The following C14orf132 variants were observed in gnomAD, a reference collection of about 807,000 sequenced individuals.
The protein encoded by C14orf132 is chromosome 14 open reading frame 132.
Under a neutral mutation model 5.8 loss-of-function variants are expected in C14orf132, and 6 were observed. The observed-to-expected ratio is 1.03, with a 90% CI of 0.57 to 2.04. The LOEUF is 2.04. Ranked by LOEUF, C14orf132 falls within the 30% of genes most tolerant of loss-of-function variation. The pLI, the probability that C14orf132 is intolerant of heterozygous loss-of-function variation, is 0.00. For missense variants in C14orf132, 125 were observed against 115.8 expected, an observed-to-expected ratio of 1.08 and a Z score of -0.37; for synonymous variants, 51 against 49.8, an observed-to-expected ratio of 1.02 and a Z score of -0.10.
At chr14:96,075,387 CTA>C (rs1321111392) in intron 1 of C14orf132, among the ~76,000 whole-genome samples, 3 of 152,098 alleles carry the variant, frequency 2.0e-5, no homozygotes, top group African/African-American at 7.2e-5. Context: ...TAAGGCATCT[CTA>C]TATATATATG....
intron 1 of C14orf132, among the ~76,000 whole-genome samples, chr14:96,055,224 T>G (rs953475893): frequency 2.6e-5 from 4 of 151,994 alleles, no homozygotes; most frequent in Non-Finnish European, 5.9e-5. Context: ...CCCGGGTGGG[T>G]TCCGCGCATG....
In C14orf132 at chr14:96,040,401, C is replaced by T. The variant is rs553508900; in HGVS notation, c.27+874C>T. 4 of 398,034 alleles carry T rather than the reference C, an allele frequency of 1.0e-5. No individual in the cohort carries two copies. The Admixed American group carries it at 1.3e-4, about 13-fold the overall frequency. The allele number at this position is 398,034 out of a possible 1,614,324, so 24.7% of individuals were successfully genotyped here. On this transcript the variant is annotated intron_variant, in intron 1 of 1. Coordinates refer to ENST00000555004, the MANE Select transcript of C14orf132 (RefSeq NM_001252507.3). ...CAATCTACCAAAGCCACATCTTGCACCTTCTCTGGTTGTGTTGGTTGGTTA... is the reference window on the plus strand; with the variant it reads ...CAATCTACCAAAGCCACATCTTGCATCTTCTCTGGTTGTGTTGGTTGGTTA...
In C14orf132 at chr14:96,090,752, C is replaced by G. The variant is rs1888371879; in HGVS notation, c.*4017C>G. ...CGCTGGAAAGGCAGCAGATGCTTTT[C>G]CAGCCCCGGTTCAGCTGGAAGGCTT... On this transcript the variant is annotated 3_prime_UTR_variant, in exon 2 of 2. Coordinates refer to ENST00000555004, the MANE Select transcript of C14orf132 (RefSeq NM_001252507.3). 1 of 456,054 alleles carries G rather than the reference C, an allele frequency of 2.2e-6. No individual in the cohort carries two copies. The highest frequency in any genetic ancestry group is 4.4e-6 in the Non-Finnish European group (1 of 226,786). 28.3% of individuals were successfully genotyped at this position (456,054 alleles called of 1,614,324 possible). A position where few individuals can be genotyped will look rare whatever the true frequency, so the allele number is the denominator to read the frequency against.
intron 1 of C14orf132, among the ~76,000 whole-genome samples, chr14:96,045,266 C>T (rs985950147): frequency 6.6e-6 from 1 of 152,198 alleles, no homozygotes; most frequent in African/African-American, 2.4e-5. Context: ...AGAGATCAGG[C>T]AAGCCTTCAG....
At chr14:96,066,093 A>G (rs1887519906) in intron 1 of C14orf132, among the ~76,000 whole-genome samples, 1 of 152,166 alleles carries the variant, frequency 6.6e-6, no homozygotes, top group Admixed American at 6.5e-5. Context: ...CCTCAGGTAC[A>G]GCCAGGGAGG....
chr14:96,052,759 C>A lies in C14orf132; in HGVS notation c.27+13232C>A, dbSNP rs1238591671. On this transcript the variant is annotated intron_variant, in intron 1 of 1. Coordinates refer to ENST00000555004, the MANE Select transcript of C14orf132 (RefSeq NM_001252507.3). Reference sequence around the variant, plus strand: ...CCAGCGCCCCTCTCTTGTCCCCCTGCAAACTGTCTGCTGCATGCTGGGCCC... The same window carrying A: ...CCAGCGCCCCTCTCTTGTCCCCCTGAAAACTGTCTGCTGCATGCTGGGCCC... 2.6e-5 allele frequency among the ~76,000 whole-genome samples: 4 copies of A among 152,016 alleles called. No homozygotes were observed. The East Asian group carries it at 7.8e-4, about 29-fold the overall frequency.
At position 96,088,512 on chromosome 14, in the gene C14orf132, G is replaced by A. The variant is rs1034196002; in HGVS notation, c.*1777G>A. ...TGGGCTGGGGAGTTAGCCGCGGTGT[G>A]CGTGAATGGCTCTGTCTCCAGCAAG... On this transcript the variant is annotated 3_prime_UTR_variant, in exon 2 of 2. Transcript: ENST00000555004. 5 of 152,366 alleles carry A rather than the reference G, an allele frequency of 3.3e-5. No homozygotes were observed. The highest frequency in any genetic ancestry group is 1.2e-4 in the African/African-American group (5 of 41,460). 9.4% of individuals were successfully genotyped at this position (152,366 alleles called of 1,614,324 possible).
In C14orf132 at chr14:96,091,028, CT is replaced by C. The variant is rs1888385438; in HGVS notation, c.*4294del. 1 of 455,988 alleles carries C rather than the reference CT, an allele frequency of 2.2e-6. No homozygotes were observed. The highest frequency in any genetic ancestry group is 2.0e-5 in the African/African-American group (1 of 50,090). 28.2% of individuals were successfully genotyped at this position (455,988 alleles called of 1,614,324 possible). A position where few individuals can be genotyped will look rare whatever the true frequency, so the allele number is the denominator to read the frequency against. On this transcript the variant is annotated 3_prime_UTR_variant, in exon 2 of 2. Coordinates refer to ENST00000555004, the MANE Select transcript of C14orf132 (RefSeq NM_001252507.3). ...GTCTCATTTACTTCTCAAATTGCCC[CT>C]GGGGGCAGGAATGAGGATGCAGAGA...
Position 96,050,067 on chromosome 14 carries a change from A to G in C14orf132, c.27+10540A>G, listed in dbSNP as rs183982778. 3.3e-5 allele frequency among the ~76,000 whole-genome samples: 5 copies of G among 152,300 alleles called. No individual in the cohort carries two copies. The East Asian group carries it at 9.6e-4, about 29-fold the overall frequency. On this transcript the variant is annotated intron_variant, in intron 1 of 1. Coordinates refer to ENST00000555004, the MANE Select transcript of C14orf132 (RefSeq NM_001252507.3). ...ATGTCCTCACTTATTAATTCTAAAT[A>G]TGTCAATTCTGGATTGGTTTTGATT...
At chr14:96,047,477 T>C (rs1284995755) in intron 1 of C14orf132, among the ~76,000 whole-genome samples, 3 of 152,194 alleles carry the variant, frequency 2.0e-5, no homozygotes, top group Non-Finnish European at 4.4e-5. Flanking sequence ...CTGTGTTCAC[T>C]CCCTCCTCAC....
chr14:96,060,816 C>T (rs1887329567), intron 1 of C14orf132, among the ~76,000 whole-genome samples: 1 of 152,212 alleles, frequency 6.6e-6, no homozygotes, highest in African/African-American at 2.4e-5. Context: ...AATCCCACAT[C>T]TCCCGTGCCA....
At chr14:96,053,002 A>G (rs918629107) in intron 1 of C14orf132, among the ~76,000 whole-genome samples, 1 of 152,194 alleles carries the variant, frequency 6.6e-6, no homozygotes, top group Non-Finnish European at 1.5e-5. Context: ...AAGGTGACCA[A>G]CCACCCCGGT....
At chr14:96,059,129 T>G (rs9788546) in intron 1 of C14orf132, among the ~76,000 whole-genome samples, 7,802 of 152,116 alleles carry the variant, frequency 0.051, 253 homozygotes, top group East Asian at 0.15. Flanking sequence ...CCAAGTGTGG[T>G]GTTAAAAAAT....
chr14:96,048,375 C>T (rs1053978403), intron 1 of C14orf132, among the ~76,000 whole-genome samples: 8 of 152,158 alleles, frequency 5.3e-5, no homozygotes, highest in African/African-American at 1.2e-4. Context: ...TCCTAGCAAT[C>T]ACTGATCTTT....
intron 1 of C14orf132, among the ~76,000 whole-genome samples, chr14:96,057,057 C>T (rs1440245200): frequency 6.6e-6 from 1 of 152,226 alleles, no homozygotes; most frequent in Non-Finnish European, 1.5e-5. Flanking sequence ...CTCACAGGCA[C>T]ACCTACAGGG....
chr14:96,039,553 C>T lies in C14orf132; in HGVS notation c.27+26C>T. The stretch of plus-strand genomic sequence containing the variant: ...GTAACGGGGCGTCCCCCCCACGCGC[C>T]CCGGGCCGCCAAGTTTGGGGAGGTT... On this transcript the variant is annotated intron_variant, in intron 1 of 1. Transcript: ENST00000555004. The surrounding 1 kb of genome is among the most constrained non-coding windows in gnomAD (Gnocchi z 5.3). 1.3e-6 allele frequency: 2 copies of T among 1,496,786 alleles called. No individual in the cohort carries two copies. Among genetic ancestry groups the T allele is most frequent in the Non-Finnish European group, 1.8e-6 (2 of 1,125,566 alleles). 92.7% of individuals were successfully genotyped at this position (1,496,786 alleles called of 1,614,324 possible).
At chr14:96,041,177 C>A (rs1170441628) in intron 1 of C14orf132, among the ~76,000 whole-genome samples, 2 of 152,114 alleles carry the variant, frequency 1.3e-5, no homozygotes, top group African/African-American at 2.4e-5. Context: ...GTGCTAGCTG[C>A]AAGGAACAGA....
At chr14:96,076,562 A>G (rs1887873267) in intron 1 of C14orf132, among the ~76,000 whole-genome samples, 1 of 152,202 alleles carries the variant, frequency 6.6e-6, no homozygotes, top group South Asian at 2.1e-4. Context: ...TTGGAAGAAG[A>G]AGAATTGCCT....
rs1442733599 is a variant in C14orf132, at chr14:96,089,441, A to C, written c.*2706A>C. ...TGATGAGCTAGGATTTGAATCTGGG[A>C]AGTTGGGCTCTAGAGCCAGACTGTA... On this transcript the variant is annotated 3_prime_UTR_variant, in exon 2 of 2. Transcript: ENST00000555004. The C allele has an allele frequency of 6.6e-6, 1 of 152,314 alleles. No homozygotes were observed. The highest frequency in any genetic ancestry group is 1.5e-5 in the Non-Finnish European group (1 of 68,130). The allele number at this position is 152,314 out of a possible 1,614,324, so 9.4% of individuals were successfully genotyped here.
Sources: allele counts gnomAD v4.1 joint callset (sites outside exome capture counted in the v4.1 genomes callset), GRCh38; gene constraint gnomAD v4.1.1; non-coding constraint Gnocchi (gnomAD v3.1); transcripts MANE v1.5; gene names NCBI Gene and HGNC (gene_info 2026-07-23, HGNC 2026-07-21).